Variants in CSMD1 observed in about 807,000 individuals in gnomAD.
CSMD1 encodes CUB and Sushi multiple domains 1.
A neutral mutation model predicts 417.5 loss-of-function variants in CSMD1; 213 were observed. The ratio of observed to expected loss-of-function variants is 0.51; its 90% CI spans 0.46 to 0.57. CSMD1 has a LOEUF of 0.57. Ranked by LOEUF, CSMD1 falls within the 20% of genes least tolerant of loss-of-function variation. The probability of loss-of-function intolerance (pLI) is 0.00; values close to 1 mark genes in which losing one functional copy is unlikely to be tolerated. For missense variants in CSMD1, 6,923 were observed against 4,529.7 expected (o/e 1.53, Z -15.17); for synonymous variants, 2,862 against 1,736.8 (o/e 1.65, Z -16.11).
chr8:3,753,835 G>C (rs1227725857), intron 6 of CSMD1, 95 bp downstream of exon 6: 1 of 755,630 alleles, frequency 1.3e-6, no homozygotes. Context: ...CCATTTTCAA[G>C]CTATTTATCC....
chr8:4,134,853 T>C (rs956737189), intron 3 of CSMD1, among the ~76,000 whole-genome samples: 5 of 152,186 alleles, frequency 3.3e-5, no homozygotes, highest in Non-Finnish European at 7.4e-5. Context: ...GTTTGATAGC[T>C]TCCAATTGCT....
At chr8:3,893,349 A>ATATATATATATATATAT (rs1807120555) in intron 5 of CSMD1, among the ~76,000 whole-genome samples, 1 of 131,432 alleles carries the variant, frequency 7.6e-6, no homozygotes. Context: ...TTATATATAT[A>ATATATATATATATATAT]TATATATATA....
At chr8:3,296,739 G>A (rs1461338030) in intron 25 of CSMD1, among the ~76,000 whole-genome samples, 3 of 152,144 alleles carry the variant, frequency 2.0e-5, no homozygotes, top group African/African-American at 7.2e-5. Context: ...GGATGTGCTG[G>A]CCCTGTAGGT....
At chr8:4,701,860 C>G (rs1437868537) in intron 1 of CSMD1, among the ~76,000 whole-genome samples, 1 of 152,160 alleles carries the variant, frequency 6.6e-6, no homozygotes, top group Non-Finnish European at 1.5e-5. Context: ...TAAGAATCAA[C>G]AGATGCATCA....
chr8:3,588,247 A>G (rs1483944659), intron 8 of CSMD1, among the ~76,000 whole-genome samples: 12 of 152,140 alleles, frequency 7.9e-5, no homozygotes, highest in Non-Finnish European at 1.5e-5. Flanking sequence ...GCAGAAGTGA[A>G]TAGCACAAAG....
Position 4,216,716 on chromosome 8 carries a change from G to A in CSMD1, c.416-184617C>T, listed in dbSNP as rs180903880. 1.4e-3 allele frequency among the ~76,000 whole-genome samples: 210 copies of A among 152,012 alleles called. 1 individual carries two copies. The highest frequency in any genetic ancestry group is 4.6e-3 in the African/African-American group (190 of 41,466). ...AAGCACCAGTCATCTAGGAGGAGGG[G>A]GTATAAACGAATGGAGATGTTTTAA... On this transcript the variant is annotated intron_variant, in intron 3 of 69. Coordinates refer to ENST00000635120, the MANE Select transcript of CSMD1 (RefSeq NM_033225.6).
At chr8:4,774,667 G>C (rs773606899) in intron 1 of CSMD1, among the ~76,000 whole-genome samples, 1 of 152,088 alleles carries the variant, frequency 6.6e-6, no homozygotes, top group African/African-American at 2.4e-5. Context: ...TCTAATGTTG[G>C]AGATGGCAGA....
chr8:4,436,221 CTT>C (rs141727098), intron 2 of CSMD1, among the ~76,000 whole-genome samples: 1 of 152,252 alleles, frequency 6.6e-6, no homozygotes, highest in East Asian at 1.9e-4. Flanking sequence ...CTCATATTAA[CTT>C]ATTGTAGGAC....
intron 5 of CSMD1, among the ~76,000 whole-genome samples, chr8:3,891,866 G>A (rs533802632): frequency 1.9e-3 from 294 of 152,164 alleles, no homozygotes; most frequent in African/African-American, 6.7e-3. Context: ...CCCAAAAAAA[G>A]GCTAGTTACT....
intron 5 of CSMD1, among the ~76,000 whole-genome samples, chr8:3,883,594 G>A (rs191902732): frequency 1.3e-5 from 2 of 152,086 alleles, no homozygotes; most frequent in Admixed American, 1.3e-4. Flanking sequence ...AAAAATTAGT[G>A]TTATTATTTA....
At position 3,783,145 on chromosome 8, in the gene CSMD1, T is replaced by G. The variant is rs527485581; in HGVS notation, c.819-29103A>C. 1.4e-4 allele frequency among the ~76,000 whole-genome samples: 21 copies of G among 152,314 alleles called. No homozygotes were observed. The South Asian group carries it at 4.1e-3, about 30-fold the overall frequency. The stretch of plus-strand genomic sequence containing the variant: ...GGATTTATCCAGAAGGAGATTATTT[T>G]TGACAACTTAAGTCTCAACATCTTT... On this transcript the variant is annotated intron_variant, in intron 5 of 69. Transcript: ENST00000635120.
chr8:4,016,409 T>C (rs933713810), intron 4 of CSMD1, among the ~76,000 whole-genome samples: 1 of 152,254 alleles, frequency 6.6e-6, no homozygotes, highest in South Asian at 2.1e-4. Flanking sequence ...GCAGAGAAGA[T>C]GCATGACCCT....
chr8:3,703,378 C>T (rs1006070151), intron 7 of CSMD1, among the ~76,000 whole-genome samples: 10 of 149,674 alleles, frequency 6.7e-5, no homozygotes, highest in Middle Eastern at 3.4e-3. Context: ...GATTAGGAGG[C>T]ATAAATGAAA....
intron 5 of CSMD1, among the ~76,000 whole-genome samples, chr8:3,841,436 TCTTTGACATTC>T (rs1290826462): frequency 5.3e-5 from 8 of 152,130 alleles, no homozygotes; most frequent in African/African-American, 1.9e-4. Flanking sequence ...AACAAAACAA[TCTTTGACATTC>T]TTTCACTTGC....
In CSMD1 at chr8:4,958,417, G is replaced by C. The variant is rs1007007936; in HGVS notation, c.85+35915C>G. On this transcript the variant is annotated intron_variant, in intron 1 of 69. Transcript: ENST00000635120. The stretch of plus-strand genomic sequence containing the variant: ...CAATTGACATTTCTTCAAAATGTAA[G>C]TCTATAATAAAGGTAGATGAAGGTT... Among the ~76,000 whole-genome samples the C allele has an allele frequency of 5.9e-5, 9 of 152,012 alleles. No homozygotes were observed. In the East Asian group the frequency reaches 1.3e-3, roughly 23 times the overall value.
intron 47 of CSMD1, among the ~76,000 whole-genome samples, chr8:3,095,319 A>T (rs1440805603): frequency 6.6e-6 from 1 of 152,176 alleles, no homozygotes; most frequent in South Asian, 2.1e-4. Flanking sequence ...ATAGGCCTCA[A>T]ATAGAGTTTA....
intron 5 of CSMD1, among the ~76,000 whole-genome samples, chr8:3,787,913 C>G (rs535297975): frequency 6.6e-6 from 1 of 152,162 alleles, no homozygotes; most frequent in Admixed American, 6.5e-5. Context: ...GATTAAATCT[C>G]TGTAGTTGTG....
rs1038159505 is a variant in CSMD1, at chr8:3,749,108, T to A, written c.931+4822A>T. On this transcript the variant is annotated intron_variant, in intron 6 of 69. Coordinates refer to ENST00000635120, the MANE Select transcript of CSMD1 (RefSeq NM_033225.6). ...CCCTCATGGTTCAAGATTAATATAT[T>A]TTCAAAAAATTTATCTTGTAGACAC... is the stretch of plus-strand genomic sequence containing the variant. 5.9e-5 allele frequency among the ~76,000 whole-genome samples: 9 copies of A among 152,258 alleles called. No individual in the cohort carries two copies. In the South Asian group the frequency reaches 1.7e-3, roughly 28 times the overall value.
intron 3 of CSMD1, among the ~76,000 whole-genome samples, chr8:4,113,421 A>C (rs1215644683): frequency 7.9e-6 from 1 of 127,126 alleles, no homozygotes; most frequent in Admixed American, 8.9e-5. Context: ...TTTTTTTTAA[A>C]TGAGACAGTA....
Sources: allele counts gnomAD v4.1 joint callset (sites outside exome capture counted in the v4.1 genomes callset), GRCh38; gene constraint gnomAD v4.1.1; transcripts MANE v1.5; gene names NCBI Gene and HGNC (gene_info 2026-07-23, HGNC 2026-07-21).